The following DLG2 variants were observed in gnomAD, a reference collection of about 807,000 sequenced individuals.
The protein encoded by DLG2 is disks large homolog 2.
Under a neutral mutation model 132.5 loss-of-function variants are expected in DLG2, and 45 were observed. That is an observed-to-expected ratio of 0.34 (90% CI 0.27 to 0.44). DLG2 has a LOEUF of 0.44. Ranked by LOEUF, DLG2 falls within the 20% of genes least tolerant of loss-of-function variation. The probability of loss-of-function intolerance (pLI) is 1.00; values close to 1 mark genes in which losing one functional copy is unlikely to be tolerated. For missense variants in DLG2, 1,045 were observed against 1,196.9 expected (o/e 0.87, Z 1.87); for synonymous variants, 424 against 419.6 (o/e 1.01, Z -0.13).
intron 6 of DLG2, among the ~76,000 whole-genome samples, chr11:84,839,921 T>C (rs951442203): frequency 2.0e-5 from 3 of 152,102 alleles, no homozygotes; most frequent in East Asian, 1.9e-4. Context: ...ATTCAGGACA[T>C]AGGCATGGGC....
At chr11:83,729,406 C>A (rs148651514) in intron 18 of DLG2, among the ~76,000 whole-genome samples, 2 of 152,136 alleles carry the variant, frequency 1.3e-5, no homozygotes, top group Admixed American at 1.3e-4. Context: ...ATACAATCTC[C>A]GTGTGGGACA....
intron 8 of DLG2, among the ~76,000 whole-genome samples, chr11:84,245,754 A>G (rs991027155): frequency 6.6e-6 from 1 of 152,230 alleles, no homozygotes; most frequent in South Asian, 2.1e-4. Flanking sequence ...GTTTAGTGCC[A>G]TTGACCTACA....
At chr11:84,986,520 C>A (rs2056511049) in intron 6 of DLG2, among the ~76,000 whole-genome samples, 1 of 152,110 alleles carries the variant, frequency 6.6e-6, no homozygotes, top group African/African-American at 2.4e-5. Flanking sequence ...ATGCTAAAAT[C>A]CTTAACACAA....
chr11:84,597,304 C>G (rs887680385), intron 6 of DLG2, among the ~76,000 whole-genome samples: 1 of 152,130 alleles, frequency 6.6e-6, no homozygotes, highest in Non-Finnish European at 1.5e-5. Flanking sequence ...GCAAAGTAAG[C>G]ATTAATTACA....
At chr11:84,164,689 T>C (rs1009045049) in intron 8 of DLG2, among the ~76,000 whole-genome samples, 4 of 152,210 alleles carry the variant, frequency 2.6e-5, no homozygotes, top group Non-Finnish European at 5.9e-5. Context: ...TAACAAAAAA[T>C]TGAATGTAGT....
intron 6 of DLG2, among the ~76,000 whole-genome samples, chr11:84,851,387 T>C (rs2082146326): frequency 6.6e-6 from 1 of 152,138 alleles, no homozygotes; most frequent in South Asian, 2.1e-4. Flanking sequence ...ACAGTGAGCC[T>C]GGCTCTGGTC....
intron 3 of DLG2, among the ~76,000 whole-genome samples, chr11:85,386,399 C>T (rs1490387147): frequency 2.0e-5 from 3 of 152,224 alleles, no homozygotes; most frequent in South Asian, 2.1e-4. Flanking sequence ...ATTTGAATGT[C>T]GACACCCTAC....
In DLG2 at chr11:84,861,001, G is replaced by A. The variant is rs73516929; in HGVS notation, c.357+250660C>T. On this transcript the variant is annotated intron_variant, in intron 6 of 27. Coordinates refer to ENST00000376104, the MANE Select transcript of DLG2 (RefSeq NM_001142699.3). The stretch of plus-strand genomic sequence containing the variant: ...CTACTATGTGTTCATACACTACACC[G>A]TATGCTAGGGACTTTTAAGGAGCTC... 1.6e-3 allele frequency among the ~76,000 whole-genome samples: 243 copies of A among 152,064 alleles called. 1 individual carries two copies. Among genetic ancestry groups the A allele is most frequent in the African/African-American group, 5.5e-3 (229 of 41,498 alleles).
intron 6 of DLG2, among the ~76,000 whole-genome samples, chr11:85,039,359 CA>C (rs1328950969): frequency 6.6e-6 from 1 of 151,838 alleles, no homozygotes; most frequent in Non-Finnish European, 1.5e-5. Context: ...CAGTACACGC[CA>C]AATGCTGAAA....
At chr11:84,196,609 T>C (rs934494637) in intron 8 of DLG2, among the ~76,000 whole-genome samples, 1 of 152,216 alleles carries the variant, frequency 6.6e-6, no homozygotes, top group African/African-American at 2.4e-5. Context: ...ATAATTTAAC[T>C]AACTGGTATT....
intron 6 of DLG2, among the ~76,000 whole-genome samples, chr11:84,708,755 T>TG (rs1221632003): frequency 2.6e-5 from 4 of 151,694 alleles, no homozygotes; most frequent in Non-Finnish European, 5.9e-5. Flanking sequence ...AGCAATTTGT[T>TG]GGGGAAATAG....
At chr11:84,045,204 G>A (rs1412397717) in intron 11 of DLG2, among the ~76,000 whole-genome samples, 2 of 151,564 alleles carry the variant, frequency 1.3e-5, no homozygotes, top group East Asian at 3.9e-4. Context: ...TTATACCTGT[G>A]GTATTCACTT....
At chr11:84,531,559 T>G (rs1229711386) in intron 7 of DLG2, among the ~76,000 whole-genome samples, 1 of 152,208 alleles carries the variant, frequency 6.6e-6, no homozygotes, top group South Asian at 2.1e-4. Flanking sequence ...AAGGTCATGA[T>G]GAAAAAAATC....
At chr11:84,005,438 G>A (rs1018406964) in intron 11 of DLG2, among the ~76,000 whole-genome samples, 2 of 151,812 alleles carry the variant, frequency 1.3e-5, no homozygotes, top group Non-Finnish European at 2.9e-5. Context: ...ACTAATCTAG[G>A]CAAAGATTTT....
At chr11:84,757,259 T>G (rs2067005316) in intron 6 of DLG2, among the ~76,000 whole-genome samples, 1 of 152,160 alleles carries the variant, frequency 6.6e-6, no homozygotes, top group South Asian at 2.1e-4. Flanking sequence ...TTAGAGACTT[T>G]TATAACAATT....
At chr11:84,952,487 C>A (rs969365819) in intron 6 of DLG2, among the ~76,000 whole-genome samples, 1 of 151,718 alleles carries the variant, frequency 6.6e-6, no homozygotes, top group Admixed American at 6.6e-5. Flanking sequence ...ACAGCACTCC[C>A]GCCTGGGCGA....
At chr11:85,083,371 A>C (rs887880515) in intron 6 of DLG2, among the ~76,000 whole-genome samples, 1 of 152,182 alleles carries the variant, frequency 6.6e-6, no homozygotes. Flanking sequence ...TCCTCCATGC[A>C]GTGTCCCTTC....
At chr11:83,674,653 A>C (rs1201770880) in intron 18 of DLG2, among the ~76,000 whole-genome samples, 1 of 152,216 alleles carries the variant, frequency 6.6e-6, no homozygotes, top group Non-Finnish European at 1.5e-5. Context: ...CCTGGGAAGC[A>C]TTTCCTACCT....
intron 3 of DLG2, among the ~76,000 whole-genome samples, chr11:85,421,576 G>A (rs145045699): frequency 1.5e-4 from 23 of 151,994 alleles, no homozygotes; most frequent in African/African-American, 4.8e-4. Context: ...TGGGTCTCTT[G>A]AAGGCAGCAT....
Sources: allele counts gnomAD v4.1 joint callset (sites outside exome capture counted in the v4.1 genomes callset), GRCh38; gene constraint gnomAD v4.1.1; transcripts MANE v1.5; gene names NCBI Gene and HGNC (gene_info 2026-07-23, HGNC 2026-07-21).